KLHL41: variants seen among roughly 807,000 people sequenced by gnomAD.
The protein encoded by KLHL41 is kelch-like protein 41.
KLHL41 carries 31 observed loss-of-function variants against 49.2 expected under a neutral mutation model. The ratio of observed to expected loss-of-function variants is 0.63; its 90% confidence interval spans 0.47 to 0.85. KLHL41 has a LOEUF of 0.85. Among genes scored for constraint, KLHL41 ranks in the 40% least tolerant of loss-of-function variants. The probability of loss-of-function intolerance (pLI) is 0.00; values close to 1 mark genes in which losing one functional copy is unlikely to be tolerated. For synonymous variants in KLHL41, 218 were observed against 258.5 expected (o/e 0.84, Z 1.50); for missense variants, 663 against 726.7 (o/e 0.91, Z 1.01).
At chr2:169,518,579 G>A (rs1443327587) in intron 4 of KLHL41, among the ~76,000 whole-genome samples, 1 of 152,186 alleles carries the variant, frequency 6.6e-6, no homozygotes, top group Non-Finnish European at 1.5e-5. Flanking sequence ...TTATATGTCT[G>A]TAATCTGGAA....
intron 4 of KLHL41, among the ~76,000 whole-genome samples, chr2:169,520,340 C>A (rs1684184952): frequency 7.8e-6 from 1 of 128,290 alleles, no homozygotes; most frequent in Admixed American, 8.9e-5. Context: ...GGAGGCAGTC[C>A]ATTTTGTTGC....
intron 3 of KLHL41, among the ~76,000 whole-genome samples, chr2:169,517,009 T>C (rs748924828): frequency 5.9e-5 from 9 of 151,922 alleles, no homozygotes; most frequent in Non-Finnish European, 1.0e-4. Flanking sequence ...CGAAACTCCG[T>C]CTCCAGAAAT....
chr2:169,512,327 A>G (rs1430710963), intron 1 of KLHL41, among the ~76,000 whole-genome samples: 2 of 152,170 alleles, frequency 1.3e-5, no homozygotes, highest in African/African-American at 4.8e-5. Context: ...CTATAAATAC[A>G]TCCAGGAAGT....
At chr2:169,515,225 G>C (rs377094281) in intron 3 of KLHL41, among the ~76,000 whole-genome samples, 12 of 151,972 alleles carry the variant, frequency 7.9e-5, no homozygotes, top group African/African-American at 1.7e-4. Context: ...TAGAGACAGG[G>C]TTTCTCCATG....
intron 4 of KLHL41, 65 bp downstream of exon 4, chr2:169,518,440 T>TA: frequency 2.4e-6 from 3 of 1,242,510 alleles, no homozygotes. Context: ...TAACTTTGGA[T>TA]AAAAAGTTAT....
chr2:169,522,884 G>A (rs891072562), intron 5 of KLHL41, among the ~76,000 whole-genome samples: 37 of 151,512 alleles, frequency 2.4e-4, no homozygotes, highest in Middle Eastern at 3.4e-3. Flanking sequence ...CACCATGCCC[G>A]GCTAATTTTT....
Position 169,509,959 on chromosome 2 carries a change from T to A in KLHL41, c.181T>A (p.Tyr61Asn). ...AGCTTGTAGTCCTTACTTCCGTGAG[T>A]ACTTTTTATCTGAAATTGATGAGGC... ...LSACSPYFRE[Y>N]FLSEIDEAKK... is the part of the protein sequence containing the mutation. Residue 61 changes from tyrosine (Y) to asparagine (N), a missense_variant, in exon 1 of 6, where the codon TAC (tyrosine) becomes AAC (asparagine). By Grantham distance (143) the Tyr-to-Asn change is moderately radical. Transcript: ENST00000284669. 6.2e-7 allele frequency: 1 copy of A among 1,614,118 alleles called. No homozygotes were observed. Among genetic ancestry groups the A allele is most frequent in the South Asian group, 1.1e-5 (1 of 91,076 alleles).
Position 169,518,174 on chromosome 2 carries a change from G to C in KLHL41, c.1377-16G>C, listed in dbSNP as rs756855395. 3 of 1,594,312 alleles carry C rather than the reference G, an allele frequency of 1.9e-6. No individual in the cohort carries two copies. In the South Asian group the frequency reaches 3.4e-5, roughly 18 times the overall value. ...AAAAAAGGTTCTAAAAGGAACATTT[G>C]TTTTTCTGTTTACAGAAAATGTACA... On this transcript the variant is annotated splice_polypyrimidine_tract_variant and intron_variant, in intron 3 of 5. Transcript: ENST00000284669.
chr2:169,519,358 A>G (rs1684164493), intron 4 of KLHL41, among the ~76,000 whole-genome samples: 1 of 152,186 alleles, frequency 6.6e-6, no homozygotes, highest in Non-Finnish European at 1.5e-5. Context: ...AGACTTTAGT[A>G]TCTGAAAATT....
At position 169,518,355 on chromosome 2, in the gene KLHL41, T is replaced by C. The variant is rs768371307; in HGVS notation, c.1542T>C (p.Ala514=). Residue 514 remains alanine (A), a synonymous_variant, in exon 4 of 6, where the codon GCT becomes GCC. Transcript: ENST00000284669. ...TEDGLSASVE[A]FDLTTNKWDV... ...ATGGTCTTTCAGCTTCAGTTGAAGC[T>C]TTTGACCTTACAACAAATAAGTGAG... is the stretch of plus-strand genomic sequence containing the variant. 6.2e-7 allele frequency: 1 copy of C among 1,612,926 alleles called. No individual in the cohort carries two copies. The highest frequency in any genetic ancestry group is 1.1e-5 in the South Asian group (1 of 90,810).
intron 1 of KLHL41, among the ~76,000 whole-genome samples, chr2:169,511,556 T>C (rs759064369): frequency 6.6e-6 from 1 of 152,222 alleles, no homozygotes; most frequent in South Asian, 2.1e-4. Flanking sequence ...TTCCCTGAAC[T>C]TCATTTGAAG....
At chr2:169,525,102 G>A (rs1376859741) in intron 5 of KLHL41, among the ~76,000 whole-genome samples, 1 of 152,162 alleles carries the variant, frequency 6.6e-6, no homozygotes, top group African/African-American at 2.4e-5. Context: ...GAACAATAAA[G>A]GGGAAGGGGA....
chr2:169,510,682 G>T lies in KLHL41; in HGVS notation c.904G>T (p.Val302Leu). ...TGACATTCCCAGGCATGGAATGTTTGTAAAAGACCTCATCCTCTTGGTTAA... is the reference window on the plus strand; with the variant it reads ...TGACATTCCCAGGCATGGAATGTTTTTAAAAGACCTCATCCTCTTGGTTAA... Reference protein sequence around the residue: ...LNDIPRHGMFVKDLILLVNDT... With the variant: ...LNDIPRHGMFLKDLILLVNDT... Residue 302 changes from valine (V) to leucine (L), a missense_variant, in exon 1 of 6, where the codon GTA becomes TTA. By Grantham distance (32) the Val-to-Leu change is conservative. Coordinates refer to ENST00000284669, the MANE Select transcript of KLHL41 (RefSeq NM_006063.3). This position sits in a 1 kb window ranked among gnomAD's most constrained non-coding sequence, Gnocchi z 4.2. The T allele has an allele frequency of 2.5e-6, 4 of 1,614,128 alleles. No homozygotes were observed. Among genetic ancestry groups the T allele is most frequent in the Non-Finnish European group, 3.4e-6 (4 of 1,180,008 alleles).
intron 5 of KLHL41, among the ~76,000 whole-genome samples, chr2:169,523,328 T>C (rs781196871): frequency 1.1e-4 from 16 of 152,178 alleles, no homozygotes; most frequent in Non-Finnish European, 2.4e-4. Flanking sequence ...CAAAAAATAT[T>C]AACACCTCTA....
Position 169,525,699 on chromosome 2 carries a change from A to C in KLHL41, c.*3A>C, listed in dbSNP as rs372174873. 11 of 1,546,228 alleles carry C rather than the reference A, an allele frequency of 7.1e-6. No homozygotes were observed. In the African/African-American group the frequency reaches 1.2e-4, roughly 17 times the overall value. On this transcript the variant is annotated 3_prime_UTR_variant, in exon 6 of 6. Coordinates refer to ENST00000284669, the MANE Select transcript of KLHL41 (RefSeq NM_006063.3). ...TCTTCAAACTGTCTAAACTGTGAAC[A>C]AGGTGACAAAACATAATAGATTGGG...
chr2:169,512,228 A>T (rs1162476952), intron 1 of KLHL41, among the ~76,000 whole-genome samples: 4 of 152,244 alleles, frequency 2.6e-5, no homozygotes, highest in Admixed American at 2.6e-4. Flanking sequence ...GAAGAATGTT[A>T]TAAGTATTTG....
intron 5 of KLHL41, among the ~76,000 whole-genome samples, chr2:169,524,167 G>A (rs957095741): frequency 1.5e-4 from 23 of 151,844 alleles, no homozygotes; most frequent in African/African-American, 5.6e-4. Flanking sequence ...ACTTTCTTTA[G>A]GTCATTTAAA....
At position 169,523,661 on chromosome 2, in the gene KLHL41, C is replaced by A. The variant is rs111614694; in HGVS notation, c.1710-1924C>A. Among the ~76,000 whole-genome samples, 1,076 of 152,286 alleles carry A rather than the reference C, an allele frequency of 7.1e-3. 19 individuals carry two copies. Among genetic ancestry groups the A allele is most frequent in the African/African-American group, 0.024 (1,007 of 41,570 alleles). On this transcript the variant is annotated intron_variant, in intron 5 of 5. Coordinates refer to ENST00000284669, the MANE Select transcript of KLHL41 (RefSeq NM_006063.3). Reference sequence around the variant, plus strand: ...GAGAGTAGGACCTAGGCATCAGTATCTTTAACATCTCCAGCTGGTTCTATT... The same window carrying A: ...GAGAGTAGGACCTAGGCATCAGTATATTTAACATCTCCAGCTGGTTCTATT...
Position 169,518,231 on chromosome 2 carries a change from G to A in KLHL41, c.1418G>A (p.Gly473Glu). 6.2e-7 allele frequency: 1 copy of A among 1,613,724 alleles called. No individual in the cohort carries two copies. The highest frequency in any genetic ancestry group is 1.7e-5 in the Admixed American group (1 of 60,000). Residue 473 changes from glycine to glutamate, a missense_variant, in exon 4 of 6, where the codon GGA (glycine) becomes GAA (glutamate). Physicochemically the swap from Gly to Glu is moderately conservative, Grantham distance 98. Around this residue, in one of 3 missense-constraint regions of KLHL41, gnomAD observed 528 missense variants for 581.0 expected, o/e 0.91. Coordinates refer to ENST00000284669, the MANE Select transcript of KLHL41 (RefSeq NM_006063.3). ...GTGTTTATCTTCAACCCCAAAAAAG[G>A]AGATTGGAAAGATCTGGCTCCAATG... is the stretch of plus-strand genomic sequence containing the variant. ...NRVFIFNPKK[G>E]DWKDLAPMKI... is the part of the protein sequence containing the mutation.
Sources: allele counts gnomAD v4.1 joint callset (sites outside exome capture counted in the v4.1 genomes callset), GRCh38; gene constraint gnomAD v4.1.1; regional missense constraint gnomAD v4.1.1; non-coding constraint Gnocchi (gnomAD v3.1); transcripts MANE v1.5; gene names NCBI Gene and HGNC (gene_info 2026-07-23, HGNC 2026-07-21).